The following PINX1 variants were observed in gnomAD, a reference collection of about 807,000 sequenced individuals.
PINX1 encodes the protein PIN2 (TERF1) interacting telomerase inhibitor 1, also known as PIN2/TERF1-interacting telomerase inhibitor 1.
PINX1 carries 34 observed loss-of-function variants against 25.4 expected under a neutral mutation model. That is an observed-to-expected ratio of 1.34 (90% confidence interval 1.02 to 1.78). The LOEUF (loss-of-function observed/expected upper bound fraction) is 1.78, where lower values mean the gene tolerates loss of function less well. Among genes scored for constraint, PINX1 ranks in the 40% most tolerant of loss-of-function variants. The probability of loss-of-function intolerance (pLI) is 0.00; values close to 1 mark genes in which losing one functional copy is unlikely to be tolerated. For synonymous variants in PINX1, 197 were observed against 147.7 expected, an observed-to-expected ratio of 1.33 and a Z score of -2.42; for missense variants, 592 against 404.9, an observed-to-expected ratio of 1.46 and a Z score of -3.97.
chr8:10,800,885 C>T (rs1041811852), intron 6 of PINX1, among the ~76,000 whole-genome samples: 5 of 152,206 alleles, frequency 3.3e-5, no homozygotes, highest in Non-Finnish European at 7.3e-5. Context: ...GCTCAGCTTA[C>T]AGGACCCAAA....
chr8:10,781,257 AC>A (rs1364998303), intron 6 of PINX1, among the ~76,000 whole-genome samples: 6 of 152,204 alleles, frequency 3.9e-5, no homozygotes, highest in Non-Finnish European at 7.4e-5. Flanking sequence ...CCAGAAGAAA[AC>A]ACAGGAGAAA....
In PINX1 at chr8:10,832,990, G is replaced by C. The variant is rs1798270693; in HGVS notation, c.130-6C>G. On this transcript the variant is annotated splice_region_variant and splice_polypyrimidine_tract_variant and intron_variant, in intron 2 of 6. Coordinates refer to ENST00000314787, the MANE Select transcript of PINX1 (RefSeq NM_017884.6). Reference sequence around the variant, plus strand: ...TGCTCCTGAGCCCCTAAACCCTGTGGAGATTAAACACAGAGAGTTAGAACA... The same window carrying C: ...TGCTCCTGAGCCCCTAAACCCTGTGCAGATTAAACACAGAGAGTTAGAACA... The C allele has an allele frequency of 1.3e-6, 2 of 1,579,248 alleles. No individual in the cohort carries two copies. The highest frequency in any genetic ancestry group is 1.7e-6 in the Non-Finnish European group (2 of 1,152,200).
At chr8:10,804,330 T>C (rs1286689277) in intron 6 of PINX1, among the ~76,000 whole-genome samples, 2 of 152,092 alleles carry the variant, frequency 1.3e-5, no homozygotes, top group Non-Finnish European at 2.9e-5. Flanking sequence ...AATAAAACAA[T>C]GAGCCAGAAC....
chr8:10,790,822 C>T (rs1016359012), intron 6 of PINX1, among the ~76,000 whole-genome samples: 1 of 152,176 alleles, frequency 6.6e-6, no homozygotes, highest in Non-Finnish European at 1.5e-5. Context: ...TACTTCAAAG[C>T]CCCAGAAGCT....
chr8:10,781,029 G>C (rs912021065), intron 6 of PINX1, among the ~76,000 whole-genome samples: 13 of 152,190 alleles, frequency 8.5e-5, no homozygotes, highest in African/African-American at 3.1e-4. Context: ...GAACAGGTTA[G>C]AGAACTGAAA....
At chr8:10,822,051 T>G (rs1009884528) in intron 5 of PINX1, 1 of 152,224 alleles carries the variant, frequency 6.6e-6, no homozygotes, top group Non-Finnish European at 1.5e-5. Flanking sequence ...TATCAGAAAT[T>G]TTTAGCCTTT....
intron 6 of PINX1, among the ~76,000 whole-genome samples, chr8:10,774,641 G>T (rs1332026754): frequency 6.6e-6 from 1 of 152,218 alleles, no homozygotes; most frequent in Non-Finnish European, 1.5e-5. Context: ...GGTATGCATA[G>T]TTACATGGAA....
intron 6 of PINX1, among the ~76,000 whole-genome samples, chr8:10,797,463 T>TAACC (rs1200385395): frequency 6.6e-6 from 1 of 152,150 alleles, no homozygotes; most frequent in East Asian, 1.9e-4. Flanking sequence ...TTTGAACACA[T>TAACC]GGTTATAGGA....
chr8:10,815,190 C>T (rs1797661618), intron 6 of PINX1, among the ~76,000 whole-genome samples: 1 of 152,178 alleles, frequency 6.6e-6, no homozygotes, highest in Admixed American at 6.5e-5. Flanking sequence ...AATCCTCCCG[C>T]CTCGGCCTCC....
chr8:10,822,559 T>C (rs985576390), intron 5 of PINX1, among the ~76,000 whole-genome samples: 2 of 152,228 alleles, frequency 1.3e-5, no homozygotes, highest in African/African-American at 2.4e-5. Flanking sequence ...AGGTTTGCTT[T>C]AGCTGTTTGT....
chr8:10,818,758 C>A (rs1192818783), intron 6 of PINX1, among the ~76,000 whole-genome samples: 1 of 151,962 alleles, frequency 6.6e-6, no homozygotes, highest in African/African-American at 2.4e-5. Flanking sequence ...GGGGTGGGGG[C>A]AGCTGTTGGG....
rs959426345 is a variant in PINX1 at position 10,820,415 on chromosome 8, T to A, written c.395-146A>T. 3 of 679,254 alleles carry A rather than the reference T, an allele frequency of 4.4e-6. No homozygotes were observed. The Admixed American group carries it at 6.5e-5, about 15-fold the overall frequency. 42.1% of individuals were successfully genotyped at this position (679,254 alleles called of 1,614,324 possible). A position where few individuals can be genotyped will look rare whatever the true frequency, so the allele number is the denominator to read the frequency against. ...AACTACTGACTTTCTACCCACTTTT[T>A]CATTACAACTCTTTCATTAGTAAAC... is the stretch of plus-strand genomic sequence containing the variant. On this transcript the variant is annotated intron_variant, in intron 5 of 6. Coordinates refer to ENST00000314787, the MANE Select transcript of PINX1 (RefSeq NM_017884.6).
At chr8:10,815,242 A>T (rs1797663043) in intron 6 of PINX1, among the ~76,000 whole-genome samples, 1 of 152,222 alleles carries the variant, frequency 6.6e-6, no homozygotes, top group Non-Finnish European at 1.5e-5. Context: ...GTGCCCAGCT[A>T]GCAATTTCTT....
At chr8:10,814,412 G>C (rs1208332977) in intron 6 of PINX1, among the ~76,000 whole-genome samples, 1 of 152,204 alleles carries the variant, frequency 6.6e-6, no homozygotes, top group Non-Finnish European at 1.5e-5. Context: ...AATGAAGTCA[G>C]AGGAGAGTCC....
intron 5 of PINX1, among the ~76,000 whole-genome samples, chr8:10,821,586 C>A (rs73208788): frequency 6.6e-6 from 1 of 152,036 alleles, no homozygotes; most frequent in Non-Finnish European, 1.5e-5. Flanking sequence ...ACCACAGATA[C>A]GGCAGAAAAT....
chr8:10,792,101 G>A (rs1356491132), intron 6 of PINX1, among the ~76,000 whole-genome samples: 1 of 152,174 alleles, frequency 6.6e-6, no homozygotes, highest in Admixed American at 6.5e-5. Context: ...CTGAGTCTCT[G>A]GATAAAGGTC....
chr8:10,823,735 G>A (rs1279703238), intron 5 of PINX1, among the ~76,000 whole-genome samples: 1 of 152,180 alleles, frequency 6.6e-6, no homozygotes, highest in Non-Finnish European at 1.5e-5. Context: ...GGCTAAGGCA[G>A]GACGATCACT....
At chr8:10,804,745 T>A (rs200778450) in intron 6 of PINX1, among the ~76,000 whole-genome samples, 1 of 122,818 alleles carries the variant, frequency 8.1e-6, no homozygotes, top group Non-Finnish European at 1.8e-5. Context: ...CCTGGTAATG[T>A]CAAAAGAAAA....
At chr8:10,837,519 T>C (rs988433775) in intron 1 of PINX1, among the ~76,000 whole-genome samples, 7 of 152,214 alleles carry the variant, frequency 4.6e-5, no homozygotes, top group African/African-American at 7.2e-5. Flanking sequence ...GGGGATGATC[T>C]TGGGGACCCT....
Sources: gnomAD v4.1 joint callset for allele counts (sites outside exome capture counted in the v4.1 genomes callset) on GRCh38, gnomAD v4.1.1 for gene constraint, MANE v1.5 for transcripts, NCBI Gene and HGNC (gene_info 2026-07-23, HGNC 2026-07-21) for gene names.